CTNNA1: variants seen among roughly 807,000 people sequenced by gnomAD.
CTNNA1 encodes catenin alpha 1, also known as catenin alpha-1.
A neutral mutation model predicts 98.4 loss-of-function variants in CTNNA1; 37 were observed. The observed-to-expected ratio is 0.38, with a 90% CI of 0.29 to 0.49. The LOEUF (loss-of-function observed/expected upper bound fraction) is 0.49. Ranked by LOEUF, CTNNA1 falls within the 20% of genes least tolerant of loss-of-function variation. The pLI, the probability that CTNNA1 is intolerant of heterozygous loss-of-function variation, is 0.95. For missense variants in CTNNA1, 761 were observed against 1,147.2 expected, an observed-to-expected ratio of 0.66 and a Z score of 4.86; for synonymous variants, 404 against 413.2, an observed-to-expected ratio of 0.98 and a Z score of 0.27.
chr5:138,845,051 G>A (rs1031138050), intron 7 of CTNNA1, among the ~76,000 whole-genome samples: 17 of 152,124 alleles, frequency 1.1e-4, no homozygotes, highest in Non-Finnish European at 2.4e-4. Context: ...AGTTACTGCC[G>A]AAGGAGCCAG....
chr5:138,850,614 A>G (rs1283910874), intron 7 of CTNNA1, among the ~76,000 whole-genome samples: 1 of 152,172 alleles, frequency 6.6e-6, no homozygotes, highest in African/African-American at 2.4e-5. Context: ...TATTTTTCAC[A>G]TCACAGATGG....
At position 138,853,200 on chromosome 5, in the gene CTNNA1, G is replaced by A. The variant is rs1172074663; in HGVS notation, c.1062+25482G>A. 2.0e-5 allele frequency among the ~76,000 whole-genome samples: 3 copies of A among 151,726 alleles called. No individual in the cohort carries two copies. The East Asian group carries it at 5.8e-4, about 29-fold the overall frequency. Reference sequence around the variant, plus strand: ...GACCTGAAGTTATCCTCCCGCCTCGGCCTCCCAAAGTGCTTGGGATTATAG... The same window carrying A: ...GACCTGAAGTTATCCTCCCGCCTCGACCTCCCAAAGTGCTTGGGATTATAG... On this transcript the variant is annotated intron_variant, in intron 7 of 17. Coordinates refer to ENST00000302763, the MANE Select transcript of CTNNA1 (RefSeq NM_001903.5).
chr5:138,777,182 G>T (rs1389746153), intron 1 of CTNNA1, among the ~76,000 whole-genome samples: 1 of 152,150 alleles, frequency 6.6e-6, no homozygotes, highest in African/African-American at 2.4e-5. Context: ...CCCAGACGGG[G>T]TCGCGGCCGG....
At chr5:138,864,891 T>G (rs959501773) in intron 7 of CTNNA1, among the ~76,000 whole-genome samples, 1 of 152,108 alleles carries the variant, frequency 6.6e-6, no homozygotes, top group Admixed American at 6.5e-5. Flanking sequence ...CTCGGCTCAC[T>G]ACAACCTCCG....
At chr5:138,834,676 A>G (rs1438628498) in intron 7 of CTNNA1, among the ~76,000 whole-genome samples, 3 of 152,202 alleles carry the variant, frequency 2.0e-5, no homozygotes, top group Non-Finnish European at 4.4e-5. Context: ...CAGAACTAAA[A>G]TAAATACTGG....
At chr5:138,887,701 T>A in intron 9 of CTNNA1, 59 bp downstream of exon 9, 1 of 1,436,018 alleles carries the variant, frequency 7.0e-7, no homozygotes, top group Non-Finnish European at 9.6e-7. Flanking sequence ...TGGTGAGTTT[T>A]AATCACATTA....
At chr5:138,782,932 A>G (rs1041181499) in intron 2 of CTNNA1, among the ~76,000 whole-genome samples, 1 of 152,222 alleles carries the variant, frequency 6.6e-6, no homozygotes, top group Non-Finnish European at 1.5e-5. Context: ...TAAAAACCTA[A>G]TGATCATATT....
intron 10 of CTNNA1, among the ~76,000 whole-genome samples, chr5:138,905,135 C>A (rs796844949): frequency 6.9e-4 from 103 of 149,142 alleles, no homozygotes; most frequent in African/African-American, 2.5e-3. Context: ...TACATAAATA[C>A]AAAAATTAGC....
intron 7 of CTNNA1, among the ~76,000 whole-genome samples, chr5:138,839,224 AT>A (rs113957482): frequency 5.4e-5 from 8 of 147,638 alleles, no homozygotes; most frequent in African/African-American, 9.9e-5. Context: ...TCTGCTTTTT[AT>A]TTTTTTTTTC....
At position 138,874,425 on chromosome 5, in the gene CTNNA1, A is replaced by G; in HGVS notation, c.1063-11787A>G. On this transcript the variant is annotated intron_variant, in intron 7 of 17. Transcript: ENST00000302763. The surrounding 1 kb of genome is among the most constrained non-coding windows in gnomAD (Gnocchi z 4.1). ...GAGTGGAAGCCCTGAGAGTCGCAGT[A>G]GAAGAGCAGCTTCTCGCAGCGGCAT... The G allele has an allele frequency of 6.2e-7, 1 of 1,613,968 alleles. No homozygotes were observed. The highest frequency in any genetic ancestry group is 2.2e-5 in the East Asian group (1 of 44,880).
At chr5:138,850,657 A>G (rs1434530248) in intron 7 of CTNNA1, among the ~76,000 whole-genome samples, 1 of 152,172 alleles carries the variant, frequency 6.6e-6, no homozygotes, top group Non-Finnish European at 1.5e-5. Context: ...ACAACTTTGA[A>G]GGTTTTACTA....
At chr5:138,880,967 T>C (rs1752772282) in intron 7 of CTNNA1, 2 of 444,202 alleles carry the variant, frequency 4.5e-6, no homozygotes, top group Admixed American at 2.5e-5. Flanking sequence ...TATGTGATGT[T>C]GTTAATGCAA....
intron 7 of CTNNA1, among the ~76,000 whole-genome samples, chr5:138,850,574 G>A (rs552121731): frequency 7.2e-5 from 11 of 152,114 alleles, no homozygotes; most frequent in South Asian, 6.2e-4. Flanking sequence ...TTTATCTTAC[G>A]GTGTTAGATC....
intron 7 of CTNNA1, among the ~76,000 whole-genome samples, chr5:138,847,551 T>G (rs1418640651): frequency 1.3e-5 from 2 of 152,228 alleles, no homozygotes; most frequent in Admixed American, 1.3e-4. Flanking sequence ...CGGGGGATAT[T>G]TACTTTCCTT....
intron 7 of CTNNA1, chr5:138,875,399 T>A: frequency 1.0e-6 from 1 of 985,842 alleles, no homozygotes; most frequent in Non-Finnish European, 1.2e-6. Flanking sequence ...GGATGACGTG[T>A]CTTTTGTTTG....
chr5:138,821,926 T>C (rs866765335), intron 5 of CTNNA1, among the ~76,000 whole-genome samples: 2 of 152,332 alleles, frequency 1.3e-5, no homozygotes, highest in Non-Finnish European at 1.5e-5. Context: ...CTTATTACAG[T>C]AAATAGTGCT....
intron 10 of CTNNA1, among the ~76,000 whole-genome samples, chr5:138,907,666 G>A (rs1759567204): frequency 6.6e-6 from 1 of 152,206 alleles, no homozygotes; most frequent in Admixed American, 6.5e-5. Context: ...AGGGTAGTTA[G>A]TTAATTCACT....
intron 1 of CTNNA1, among the ~76,000 whole-genome samples, chr5:138,764,332 C>T (rs1752677058): frequency 6.6e-6 from 1 of 152,036 alleles, no homozygotes; most frequent in South Asian, 2.1e-4. Flanking sequence ...TGCCATTGCA[C>T]TCCAGCCTGG....
chr5:138,792,938 T>C (rs548491388), intron 3 of CTNNA1, among the ~76,000 whole-genome samples: 2 of 152,210 alleles, frequency 1.3e-5, no homozygotes, highest in Non-Finnish European at 2.9e-5. Context: ...TCATTTGTTA[T>C]CTTACCTTTT....
Sources: gnomAD v4.1 joint callset for allele counts (sites outside exome capture counted in the v4.1 genomes callset) on GRCh38, gnomAD v4.1.1 for gene constraint, Gnocchi (gnomAD v3.1) non-coding constraint, MANE v1.5 for transcripts, NCBI Gene and HGNC (gene_info 2026-07-23, HGNC 2026-07-21) for gene names.